Variants in SLC4A4 observed in about 807,000 individuals in gnomAD.
The protein encoded by SLC4A4 is electrogenic sodium bicarbonate cotransporter 1.
In SLC4A4, 27 loss-of-function variants were observed where a neutral mutation model predicts 111.5. The ratio of observed to expected loss-of-function variants is 0.24; its 90% CI spans 0.18 to 0.33. The LOEUF (loss-of-function observed/expected upper bound fraction) is 0.33. SLC4A4 is among the 10% of genes least tolerant of loss of function. The probability of loss-of-function intolerance (pLI) is 1.00; values close to 1 mark genes in which losing one functional copy is unlikely to be tolerated. For missense variants in SLC4A4, 909 were observed against 1,315.5 expected (o/e 0.69, Z 4.78); for synonymous variants, 443 against 463.4 (o/e 0.96, Z 0.57).
intron 14 of SLC4A4, among the ~76,000 whole-genome samples, chr4:71,475,487 A>G (rs1330315262): frequency 6.6e-6 from 1 of 152,034 alleles, no homozygotes; most frequent in African/African-American, 2.4e-5. Context: ...ATAAGTGGTG[A>G]TAGCTTTTCC....
intron 2 of SLC4A4, among the ~76,000 whole-genome samples, chr4:71,100,355 A>AG (rs146123688): frequency 0.014 from 2,110 of 152,046 alleles, 63 homozygotes; most frequent in African/African-American, 0.048. Context: ...CAAAAAAAAA[A>AG]CACATGATTA....
intron 2 of SLC4A4, among the ~76,000 whole-genome samples, chr4:71,157,808 C>T (rs910313440): frequency 5.0e-4 from 76 of 152,186 alleles, no homozygotes; most frequent in African/African-American, 1.8e-3. Context: ...GATGAAACAG[C>T]GACCAGCTTC....
chr4:71,438,241 G>A (rs1285670170), intron 7 of SLC4A4, among the ~76,000 whole-genome samples: 1 of 152,178 alleles, frequency 6.6e-6, no homozygotes, highest in African/African-American at 2.4e-5. Flanking sequence ...CTGCACCTTT[G>A]CAATTATTTT....
chr4:71,121,806 C>G (rs1008427785), intron 2 of SLC4A4, among the ~76,000 whole-genome samples: 5 of 152,194 alleles, frequency 3.3e-5, no homozygotes, highest in African/African-American at 9.7e-5. Context: ...TTTTTTCGCT[C>G]TTTGCAATAA....
intron 3 of SLC4A4, among the ~76,000 whole-genome samples, chr4:71,331,275 T>C (rs1359000488): frequency 6.6e-6 from 1 of 152,184 alleles, no homozygotes; most frequent in African/African-American, 2.4e-5. Flanking sequence ...TAAAGACACA[T>C]GCACACGTAT....
At chr4:71,145,890 A>G (rs1157730920) in intron 2 of SLC4A4, among the ~76,000 whole-genome samples, 3 of 152,234 alleles carry the variant, frequency 2.0e-5, no homozygotes, top group South Asian at 4.1e-4. Context: ...GATCTTTTCA[A>G]AAAACCAGCT....
chr4:71,488,892 GT>G (rs1729652724), intron 15 of SLC4A4, among the ~76,000 whole-genome samples: 3 of 142,370 alleles, frequency 2.1e-5, no homozygotes, highest in Admixed American at 1.4e-4. Flanking sequence ...GAAAAAATGT[GT>G]GTGTGTGTGT....
At chr4:71,198,296 A>G (rs558841031) in intron 1 of SLC4A4, among the ~76,000 whole-genome samples, 15 of 152,348 alleles carry the variant, frequency 9.8e-5, no homozygotes, top group African/African-American at 3.6e-4. Flanking sequence ...TCAGTGTTTC[A>G]CTACTCCTTA....
chr4:71,216,513 A>G (rs1185560069), intron 1 of SLC4A4, among the ~76,000 whole-genome samples: 2 of 152,174 alleles, frequency 1.3e-5, no homozygotes, highest in East Asian at 3.9e-4. Context: ...AAGTTGAGAA[A>G]TTTGACCTCT....
At chr4:71,336,272 C>T (rs781289921) in intron 3 of SLC4A4, among the ~76,000 whole-genome samples, 9 of 152,024 alleles carry the variant, frequency 5.9e-5, no homozygotes, top group Admixed American at 2.0e-4. Context: ...TGCTTTGTAC[C>T]GTAGTGCATG....
At chr4:71,217,512 G>A (rs1423975132) in intron 1 of SLC4A4, among the ~76,000 whole-genome samples, 1 of 152,164 alleles carries the variant, frequency 6.6e-6, no homozygotes, top group Non-Finnish European at 1.5e-5. Context: ...GTCATGAGCT[G>A]AGATCGTGTC....
At chr4:71,244,620 T>G (rs1375527384) in intron 2 of SLC4A4, among the ~76,000 whole-genome samples, 3 of 152,184 alleles carry the variant, frequency 2.0e-5, no homozygotes, top group Non-Finnish European at 4.4e-5. Context: ...GTATGTAATT[T>G]ATCTTTATGT....
At chr4:71,451,465 A>G (rs1347772723) in intron 11 of SLC4A4, among the ~76,000 whole-genome samples, 164 bp downstream of exon 11, 1 of 152,234 alleles carries the variant, frequency 6.6e-6, no homozygotes, top group Non-Finnish European at 1.5e-5. Context: ...AGTGAATTAA[A>G]TGATACTGTA....
intron 14 of SLC4A4, among the ~76,000 whole-genome samples, chr4:71,481,224 C>A (rs1348093094): frequency 6.6e-6 from 1 of 151,680 alleles, no homozygotes; most frequent in Non-Finnish European, 1.5e-5. Context: ...TTTTCTAGTA[C>A]CCCCTTCTCC....
At chr4:71,310,892 TAA>T (rs1354871053) in intron 3 of SLC4A4, among the ~76,000 whole-genome samples, 1 of 152,182 alleles carries the variant, frequency 6.6e-6, no homozygotes, top group Admixed American at 6.5e-5. Flanking sequence ...CCAAATTGGA[TAA>T]AGAGTCAAGA....
At chr4:71,373,351 G>A (rs1732055814) in intron 6 of SLC4A4, among the ~76,000 whole-genome samples, 1 of 152,212 alleles carries the variant, frequency 6.6e-6, no homozygotes, top group South Asian at 2.1e-4. Context: ...TTAGAAGAAT[G>A]AATGGTGGGG....
At chr4:71,452,037 A>G (rs1725808866) in intron 11 of SLC4A4, among the ~76,000 whole-genome samples, 1 of 152,146 alleles carries the variant, frequency 6.6e-6, no homozygotes. Context: ...ATTGGGTGTT[A>G]AGTAAAATTT....
intron 5 of SLC4A4, among the ~76,000 whole-genome samples, chr4:71,356,545 T>C (rs938858200): frequency 1.2e-4 from 19 of 152,198 alleles, no homozygotes; most frequent in Admixed American, 4.6e-4. Flanking sequence ...TGTATTCTAT[T>C]ATTAAGTACG....
intron 1 of SLC4A4, among the ~76,000 whole-genome samples, chr4:71,205,566 T>C (rs1348008651): frequency 1.3e-5 from 2 of 152,190 alleles, no homozygotes; most frequent in Admixed American, 6.5e-5. Context: ...TTTATTTTTT[T>C]CTGGAGAAGT....
Sources: gnomAD v4.1 joint callset for allele counts (sites outside exome capture counted in the v4.1 genomes callset) on GRCh38, gnomAD v4.1.1 for gene constraint, MANE v1.5 for transcripts, NCBI Gene and HGNC (gene_info 2026-07-23, HGNC 2026-07-21) for gene names.